The following ZNRF1 variants were observed in gnomAD, a reference collection of about 807,000 sequenced individuals.
ZNRF1 encodes the protein zinc and ring finger 1.
ZNRF1 carries 3 observed loss-of-function variants against 18.4 expected under a neutral mutation model. The ratio of observed to expected loss-of-function variants is 0.16; its 90% CI spans 0.07 to 0.42. The LOEUF (loss-of-function observed/expected upper bound fraction) is 0.42, where lower values mean the gene tolerates loss of function less well. Ranked by LOEUF, ZNRF1 falls within the 10% of genes least tolerant of loss-of-function variation. ZNRF1 has a pLI of 0.99. For missense variants in ZNRF1, 310 were observed against 329.8 expected (o/e 0.94, Z 0.47); for synonymous variants, 157 against 144.2 (o/e 1.09, Z -0.64).
chr16:75,059,320 T>A (rs774086488), intron 1 of ZNRF1, among the ~76,000 whole-genome samples: 1 of 136,442 alleles, frequency 7.3e-6, no homozygotes, highest in Admixed American at 8.0e-5. Context: ...CAATTTTGGC[T>A]CACTGCAACC....
intron 1 of ZNRF1, among the ~76,000 whole-genome samples, chr16:75,069,789 C>T (rs1428943040): frequency 1.3e-5 from 2 of 152,234 alleles, no homozygotes; most frequent in East Asian, 3.8e-4. Context: ...CTCGGCCCCT[C>T]ACACCAGATA....
chr16:75,018,359 C>T (rs961877022), intron 1 of ZNRF1, among the ~76,000 whole-genome samples: 1 of 152,086 alleles, frequency 6.6e-6, no homozygotes, highest in Admixed American at 6.6e-5. Context: ...AGAATCACAC[C>T]CTTTGCAAAT....
intron 1 of ZNRF1, among the ~76,000 whole-genome samples, chr16:75,081,666 G>A (rs1313908967): frequency 6.6e-6 from 1 of 152,188 alleles, no homozygotes; most frequent in Non-Finnish European, 1.5e-5. Flanking sequence ...GAGCAGCCAT[G>A]TATGTGCAAG....
chr16:75,012,659 T>C (rs979016586), intron 1 of ZNRF1, among the ~76,000 whole-genome samples: 1 of 152,216 alleles, frequency 6.6e-6, no homozygotes, highest in African/African-American at 2.4e-5. Context: ...ATATCAAATC[T>C]CAGTTGCCTG....
At chr16:75,048,431 G>A (rs2035544514) in intron 1 of ZNRF1, among the ~76,000 whole-genome samples, 3 of 152,178 alleles carry the variant, frequency 2.0e-5, no homozygotes, top group Admixed American at 6.5e-5. Flanking sequence ...CCCTAACATT[G>A]AATAATGCTG....
intron 1 of ZNRF1, among the ~76,000 whole-genome samples, chr16:75,023,208 C>A (rs532586502): frequency 2.0e-5 from 3 of 152,290 alleles, no homozygotes; most frequent in Non-Finnish European, 4.4e-5. Context: ...GTAATTAACT[C>A]ATCTTTTCTC....
intron 1 of ZNRF1, among the ~76,000 whole-genome samples, chr16:75,027,975 G>A (rs1206385117): frequency 3.3e-5 from 5 of 152,084 alleles, no homozygotes; most frequent in Non-Finnish European, 5.9e-5. Context: ...AGAAAACAAT[G>A]GCACTCGCCA....
At chr16:75,071,307 C>T (rs1158662333) in intron 1 of ZNRF1, among the ~76,000 whole-genome samples, 1 of 152,168 alleles carries the variant, frequency 6.6e-6, no homozygotes, top group African/African-American at 2.4e-5. Flanking sequence ...GCCATGTTGG[C>T]CTGGCTGGTC....
At chr16:75,050,283 G>A (rs1285454627) in intron 1 of ZNRF1, among the ~76,000 whole-genome samples, 1 of 152,004 alleles carries the variant, frequency 6.6e-6, no homozygotes, top group African/African-American at 2.4e-5. Flanking sequence ...CCCGGCACTT[G>A]GTGAGGTCGA....
At position 75,022,191 on chromosome 16, in the gene ZNRF1, G is replaced by C. The variant is rs138034078; in HGVS notation, c.424+22096G>C. Among the ~76,000 whole-genome samples the C allele has an allele frequency of 2.9e-4, 44 of 151,070 alleles. No individual in the cohort carries two copies. The East Asian group carries it at 8.3e-3, about 29-fold the overall frequency. On this transcript the variant is annotated intron_variant, in intron 1 of 4. Coordinates refer to ENST00000335325, the MANE Select transcript of ZNRF1 (RefSeq NM_032268.5). ...AATCACTTGGACCCAGGAGGCGGAG[G>C]TTGCAGTGAGATGAGATCATGCCAC...
chr16:75,009,048 A>G (rs543528055), intron 1 of ZNRF1, among the ~76,000 whole-genome samples: 19 of 152,308 alleles, frequency 1.2e-4, no homozygotes, highest in South Asian at 2.1e-4. Context: ...TAATTTCAGT[A>G]TCTTTGTCAT....
At chr16:75,097,037 G>A (rs1429307992) in intron 2 of ZNRF1, among the ~76,000 whole-genome samples, 1 of 152,162 alleles carries the variant, frequency 6.6e-6, no homozygotes, top group Non-Finnish European at 1.5e-5. Flanking sequence ...CGCCTTCCTG[G>A]AAGGTGAGGA....
In ZNRF1 at chr16:75,104,805, C is replaced by A; in HGVS notation, c.542C>A (p.Ala181Glu). 6.2e-7 allele frequency: 1 copy of A among 1,609,208 alleles called. No homozygotes were observed. The highest frequency in any genetic ancestry group is 8.5e-7 in the Non-Finnish European group (1 of 1,178,394). The change falls in exon 3 of 5, where the codon GCG becomes GAG. Residue 181 changes from alanine (A) to glutamate (E), a missense_variant. Ala to Glu is a moderately radical substitution (Grantham distance 107). Transcript: ENST00000335325. ...SYNDDVLTKD[A>E]GECVICLEEL... is the part of the protein sequence containing the mutation. Reference sequence around the variant, plus strand: ...GCAGATGATGTGCTGACTAAAGACGCGGGTGAGTGTGTGATCTGCCTGGAG... The same window carrying A: ...GCAGATGATGTGCTGACTAAAGACGAGGGTGAGTGTGTGATCTGCCTGGAG...
At chr16:75,041,480 C>T (rs2035446264) in intron 1 of ZNRF1, among the ~76,000 whole-genome samples, 1 of 152,014 alleles carries the variant, frequency 6.6e-6, no homozygotes. Context: ...CGTGTGCATG[C>T]CGCCATATCC....
chr16:75,023,409 C>T (rs566113022), intron 1 of ZNRF1, among the ~76,000 whole-genome samples: 16 of 152,322 alleles, frequency 1.1e-4, no homozygotes, highest in South Asian at 2.1e-4. Flanking sequence ...CCAGGCCGGA[C>T]GCAGTGGCTC....
intron 1 of ZNRF1, among the ~76,000 whole-genome samples, chr16:75,064,987 G>T (rs1407858460): frequency 6.6e-6 from 1 of 152,214 alleles, no homozygotes; most frequent in African/African-American, 2.4e-5. Context: ...CTGCAGGAAT[G>T]TAGAATGGGT....
intron 1 of ZNRF1, among the ~76,000 whole-genome samples, chr16:75,018,150 A>G (rs1472675320): frequency 6.6e-6 from 1 of 152,232 alleles, no homozygotes; most frequent in Non-Finnish European, 1.5e-5. Flanking sequence ...TCAGTAATGT[A>G]AGCTGTTAAT....
In ZNRF1 at chr16:75,109,344, C is replaced by T. The variant is rs11647917; in HGVS notation, c.*1644C>T. 0.084 allele frequency: 12,846 copies of T among 152,728 alleles called. 645 individuals carry two copies. The highest frequency in any genetic ancestry group is 0.13 in the Admixed American group (2,025 of 15,296). 9.5% of individuals were successfully genotyped at this position (152,728 alleles called of 1,614,324 possible). A position where few individuals can be genotyped will look rare whatever the true frequency, so the allele number is the denominator to read the frequency against. Reference sequence around the variant, plus strand: ...ATTCCAGAGCCTCCTGCAGAGCCAGCGAAGGAAAGCTCTAGAGGGAGACGA... The same window carrying T: ...ATTCCAGAGCCTCCTGCAGAGCCAGTGAAGGAAAGCTCTAGAGGGAGACGA... On this transcript the variant is annotated 3_prime_UTR_variant, in exon 5 of 5. Transcript: ENST00000335325.
chr16:75,069,424 G>GT, intron 1 of ZNRF1, among the ~76,000 whole-genome samples: 1 of 152,034 alleles, frequency 6.6e-6, no homozygotes, highest in Admixed American at 6.5e-5. Flanking sequence ...CTGGGCTTTT[G>GT]TTTTTTTGAG....
Sources: gnomAD v4.1 joint callset for allele counts (sites outside exome capture counted in the v4.1 genomes callset) on GRCh38, gnomAD v4.1.1 for gene constraint, MANE v1.5 for transcripts, NCBI Gene and HGNC (gene_info 2026-07-23, HGNC 2026-07-21) for gene names.